PDZRN4: variants seen among roughly 807,000 people sequenced by gnomAD.
PDZRN4 encodes PDZ domain-containing RING finger protein 4.
Under a neutral mutation model 99.0 loss-of-function variants are expected in PDZRN4, and 70 were observed. The ratio of observed to expected loss-of-function variants is 0.71; its 90% CI spans 0.58 to 0.86. The LOEUF (loss-of-function observed/expected upper bound fraction) is 0.86. Among genes scored for constraint, PDZRN4 ranks in the 40% least tolerant of loss-of-function variants. PDZRN4 has a pLI of 0.00. For synonymous variants in PDZRN4, 551 were observed against 501.6 expected (o/e 1.10, Z -1.32); for missense variants, 1,474 against 1,331.2 (o/e 1.11, Z -1.67).
chr12:41,242,607 C>A (rs1258267743), intron 3 of PDZRN4, among the ~76,000 whole-genome samples: 1 of 151,318 alleles, frequency 6.6e-6, no homozygotes, highest in Admixed American at 6.6e-5. Context: ...GATTAGGAAG[C>A]ATTTTATTCT....
At chr12:41,433,349 T>C (rs112566698) in intron 3 of PDZRN4, among the ~76,000 whole-genome samples, 2,045 of 152,286 alleles carry the variant, frequency 0.013, 33 homozygotes, top group African/African-American at 0.047. Context: ...AAAACTGAGT[T>C]CAGATGTCTT....
intron 3 of PDZRN4, among the ~76,000 whole-genome samples, chr12:41,315,057 A>G (rs1285252393): frequency 6.6e-6 from 1 of 152,074 alleles, no homozygotes; most frequent in Non-Finnish European, 1.5e-5. Flanking sequence ...CCATATTCCT[A>G]AATGTTCAGG....
At chr12:41,413,846 C>A (rs1386197153) in intron 3 of PDZRN4, among the ~76,000 whole-genome samples, 1 of 151,850 alleles carries the variant, frequency 6.6e-6, no homozygotes, top group Non-Finnish European at 1.5e-5. Flanking sequence ...AGGTTTTGAT[C>A]CTACCATGAA....
At chr12:41,247,824 A>C (rs892032506) in intron 3 of PDZRN4, among the ~76,000 whole-genome samples, 3 of 152,182 alleles carry the variant, frequency 2.0e-5, no homozygotes, top group African/African-American at 7.2e-5. Flanking sequence ...GGGTATTTGG[A>C]AATTGATTTT....
chr12:41,310,596 C>A (rs538213909), intron 3 of PDZRN4, among the ~76,000 whole-genome samples: 82 of 152,204 alleles, frequency 5.4e-4, no homozygotes, highest in Non-Finnish European at 1.0e-3. Flanking sequence ...CTTGACCATG[C>A]CAGGCTTTAT....
chr12:41,399,533 G>A (rs373194019), intron 3 of PDZRN4, among the ~76,000 whole-genome samples: 21 of 152,170 alleles, frequency 1.4e-4, no homozygotes, highest in African/African-American at 4.3e-4. Flanking sequence ...TCTGGAGTTC[G>A]AGACCAGCCT....
chr12:41,295,288 T>C (rs2120918255), intron 3 of PDZRN4, among the ~76,000 whole-genome samples: 1 of 152,270 alleles, frequency 6.6e-6, no homozygotes, highest in East Asian at 1.9e-4. Context: ...CTGGAAACAA[T>C]TCATTGAGGT....
At chr12:41,301,402 T>C (rs982174296) in intron 3 of PDZRN4, among the ~76,000 whole-genome samples, 32 of 152,190 alleles carry the variant, frequency 2.1e-4, no homozygotes, top group African/African-American at 7.7e-4. Context: ...GACTGTTGTT[T>C]CTATTTTAGG....
chr12:41,321,874 G>C (rs550230452), intron 3 of PDZRN4, among the ~76,000 whole-genome samples: 1 of 151,932 alleles, frequency 6.6e-6, no homozygotes, highest in South Asian at 2.1e-4. Context: ...TGGGATTTAC[G>C]GTTGGAAAAC....
intron 3 of PDZRN4, among the ~76,000 whole-genome samples, chr12:41,439,602 G>A (rs908495665): frequency 6.6e-6 from 1 of 152,118 alleles, no homozygotes; most frequent in Non-Finnish European, 1.5e-5. Context: ...CTAAGAAGCA[G>A]GAGCCTTTGT....
At chr12:41,498,232 A>T (rs529343765) in intron 3 of PDZRN4, among the ~76,000 whole-genome samples, 1 of 152,194 alleles carries the variant, frequency 6.6e-6, no homozygotes, top group East Asian at 1.9e-4. Flanking sequence ...TGAAAAGGAC[A>T]CACCACCACT....
At chr12:41,202,821 GAAAT>G (rs1950826285) in intron 3 of PDZRN4, among the ~76,000 whole-genome samples, 1 of 151,934 alleles carries the variant, frequency 6.6e-6, no homozygotes, top group African/African-American at 2.4e-5. Context: ...CTTAGATAAG[GAAAT>G]AAATATTTTT....
chr12:41,530,699 T>C (rs769748071), intron 5 of PDZRN4, among the ~76,000 whole-genome samples: 1 of 152,216 alleles, frequency 6.6e-6, no homozygotes. Context: ...TTCTGACTCA[T>C]ACTAATTATG....
chr12:41,503,406 G>A (rs1345227686), intron 3 of PDZRN4, among the ~76,000 whole-genome samples: 1 of 152,054 alleles, frequency 6.6e-6, no homozygotes, highest in Non-Finnish European at 1.5e-5. Flanking sequence ...ATAAATGAAT[G>A]TATAGGTCAT....
At chr12:41,261,306 T>C (rs1951238129) in intron 3 of PDZRN4, among the ~76,000 whole-genome samples, 1 of 152,342 alleles carries the variant, frequency 6.6e-6, no homozygotes, top group Middle Eastern at 3.4e-3. Context: ...ACAAATTTCT[T>C]TAAAATATAC....
intron 3 of PDZRN4, among the ~76,000 whole-genome samples, chr12:41,422,870 C>T (rs534887634): frequency 6.6e-6 from 1 of 152,246 alleles, no homozygotes; most frequent in South Asian, 2.1e-4. Flanking sequence ...CACATATGCA[C>T]ACACAATGGA....
intron 3 of PDZRN4, among the ~76,000 whole-genome samples, chr12:41,344,472 T>C (rs1951838466): frequency 6.6e-6 from 1 of 152,040 alleles, no homozygotes; most frequent in South Asian, 2.1e-4. Flanking sequence ...AAAGCTATTT[T>C]CATGTTCACG....
Position 41,570,382 on chromosome 12 carries a change from C to T in PDZRN4, c.1585-1982C>T, listed in dbSNP as rs1205620412. Among the ~76,000 whole-genome samples the T allele has an allele frequency of 2.0e-5, 3 of 152,152 alleles. No homozygotes were observed. In the East Asian group the frequency reaches 5.8e-4, roughly 29 times the overall value. ...GAATTCTAGGTTTGAGAATAGAAAA[C>T]TATTTTATTTTCACAGTTGTTCATA... On this transcript the variant is annotated intron_variant, in intron 9 of 9. Coordinates refer to ENST00000402685, the MANE Select transcript of PDZRN4 (RefSeq NM_001164595.2).
chr12:41,434,720 T>C (rs1015322595), intron 3 of PDZRN4, among the ~76,000 whole-genome samples: 19 of 152,334 alleles, frequency 1.2e-4, no homozygotes, highest in Admixed American at 1.2e-3. Context: ...TAAGTAACTA[T>C]ATCTTGAAAT....
Sources: allele counts gnomAD v4.1 joint callset (sites outside exome capture counted in the v4.1 genomes callset), GRCh38; gene constraint gnomAD v4.1.1; transcripts MANE v1.5; gene names NCBI Gene and HGNC (gene_info 2026-07-23, HGNC 2026-07-21).